CFAP44: variants seen among roughly 807,000 people sequenced by gnomAD.
CFAP44 encodes cilia and flagella associated protein 44.
A neutral mutation model predicts 216.2 loss-of-function variants in CFAP44; 134 were observed. That is an observed-to-expected ratio of 0.62 (90% CI 0.54 to 0.72). The LOEUF is 0.72. Ranked by LOEUF, CFAP44 falls within the 30% of genes least tolerant of loss-of-function variation. The probability of loss-of-function intolerance (pLI) is 0.00; values close to 1 mark genes in which losing one functional copy is unlikely to be tolerated. For missense variants in CFAP44, 2,035 were observed against 2,182.1 expected (o/e 0.93, Z 1.34); for synonymous variants, 700 against 727.6 (o/e 0.96, Z 0.61).
intron 24 of CFAP44, among the ~76,000 whole-genome samples, chr3:113,339,536 G>A (rs1950311345): frequency 6.6e-6 from 1 of 152,162 alleles, no homozygotes; most frequent in Non-Finnish European, 1.5e-5. Flanking sequence ...GGAAAACTGA[G>A]TACCTTGGGC....
rs531330142 is a variant in CFAP44 at position 113,291,512 on chromosome 3, T to G, written c.*45A>C. 152 of 1,515,556 alleles carry G rather than the reference T, an allele frequency of 1.0e-4. 1 individual carries two copies. In the South Asian group the frequency reaches 1.5e-3, roughly 15 times the overall value. The allele number at this position is 1,515,556 out of a possible 1,614,324, so 93.9% of individuals were successfully genotyped here. A position where few individuals can be genotyped will look rare whatever the true frequency, so the allele number is the denominator to read the frequency against. On this transcript the variant is annotated 3_prime_UTR_variant, in exon 35 of 35. Transcript: ENST00000393845. The stretch of plus-strand genomic sequence containing the variant: ...GGTGATGAGGAGACAGAACTTCCAG[T>G]GAGTTATGTCAGAAATCTTGTATGG...
intron 13 of CFAP44, chr3:113,397,465 T>C (rs1934020444): frequency 6.6e-6 from 1 of 152,208 alleles, no homozygotes; most frequent in African/African-American, 2.4e-5. Flanking sequence ...AAAGTGTTTT[T>C]AGTTGGGTTC....
At chr3:113,419,544 ATG>A (rs1934750339) in intron 5 of CFAP44, among the ~76,000 whole-genome samples, 2 of 152,242 alleles carry the variant, frequency 1.3e-5, no homozygotes, top group African/African-American at 4.8e-5. Flanking sequence ...AGAAACAAAC[ATG>A]ATAGTATCTT....
At chr3:113,362,170 C>G (rs1057106003) in intron 21 of CFAP44, among the ~76,000 whole-genome samples, 10 of 151,914 alleles carry the variant, frequency 6.6e-5, no homozygotes, top group Non-Finnish European at 1.2e-4. Context: ...GGCTTTGCTT[C>G]TCAAATTCAA....
At chr3:113,401,069 T>C (rs976575049) in intron 11 of CFAP44, among the ~76,000 whole-genome samples, 171 bp downstream of exon 11, 2 of 152,196 alleles carry the variant, frequency 1.3e-5, no homozygotes, top group African/African-American at 4.8e-5. Context: ...TAGATTCTTT[T>C]TTATGTAAAA....
intron 9 of CFAP44, 137 bp from the exon 10 acceptor site, chr3:113,401,876 T>C (rs1934152791): frequency 1.1e-5 from 10 of 938,626 alleles, no homozygotes; most frequent in Non-Finnish European, 1.5e-6. Flanking sequence ...ACAAGTGTGA[T>C]AAGAACACCA....
chr3:113,330,427 CT>C lies in CFAP44; in HGVS notation c.3856del (p.Ser1286ValfsTer32). ...CACTCCGGGGGACTTTTCATCTTTA[CT>C]TTTCATTTGCTGTTGCTTAAAATTT... ...LLNFKQQQMK[S>X]KDEKSPGVEQ... On this transcript the variant is annotated frameshift_variant, in exon 26 of 35. Coordinates refer to ENST00000393845, the MANE Select transcript of CFAP44 (RefSeq NM_001164496.2). LOFTEE classifies it high-confidence loss of function. 6.5e-7 allele frequency: 1 copy of C among 1,537,332 alleles called. No individual in the cohort carries two copies. The highest frequency in any genetic ancestry group is 8.7e-7 in the Non-Finnish European group (1 of 1,146,896).
intron 17 of CFAP44, among the ~76,000 whole-genome samples, chr3:113,377,395 A>G (rs1933375946): frequency 6.6e-6 from 1 of 152,186 alleles, no homozygotes; most frequent in Non-Finnish European, 1.5e-5. Context: ...TTAATGGTTG[A>G]GGGCATGAAC....
intron 14 of CFAP44, among the ~76,000 whole-genome samples, chr3:113,396,117 A>AT (rs1185838296): frequency 3.9e-5 from 6 of 152,214 alleles, no homozygotes; most frequent in Non-Finnish European, 7.3e-5. Flanking sequence ...AAATTATACC[A>AT]TGCATATGCT....
Position 113,291,639 on chromosome 3 carries a change from G to C in CFAP44, c.5483C>G (p.Ala1828Gly), listed in dbSNP as rs890301944. The C allele has an allele frequency of 6.5e-7, 1 of 1,537,286 alleles. No homozygotes were observed. Among genetic ancestry groups the C allele is most frequent in the Non-Finnish European group, 8.7e-7 (1 of 1,146,922 alleles). ...ERISALKEEIALLRRKGSLIL... is the reference protein window; with the variant it reads ...ERISALKEEIGLLRRKGSLIL... The stretch of plus-strand genomic sequence containing the variant: ...AAGACTGCCTTTCCTACGCAAAAGA[G>C]CAATCTCCTCCTTTAAGGCCGAAAT... Residue 1828 changes from alanine (A) to glycine (G), a missense_variant, in exon 35 of 35, where the codon GCT becomes GGT. Physicochemically the swap from Ala to Gly is moderately conservative, Grantham distance 60. This residue lies in a region of CFAP44 where 1,883 missense variants were observed against 2,023.7 expected (regional missense o/e 0.93). Transcript: ENST00000393845.
At chr3:113,301,188 T>C (rs924013320) in intron 32 of CFAP44, among the ~76,000 whole-genome samples, 3 of 152,180 alleles carry the variant, frequency 2.0e-5, no homozygotes, top group Non-Finnish European at 4.4e-5. Context: ...TATGCTATAT[T>C]ACGTCTACTC....
chr3:113,305,173 T>C, intron 30 of CFAP44, 21 bp from the exon 31 acceptor site: 2 of 1,527,380 alleles, frequency 1.3e-6, no homozygotes, highest in Non-Finnish European at 1.8e-6. Context: ...CCCCGTGTTG[T>C]GAAATGGTGA....
chr3:113,321,728 A>G (rs1374035550), intron 28 of CFAP44, among the ~76,000 whole-genome samples: 2 of 152,222 alleles, frequency 1.3e-5, no homozygotes, highest in Admixed American at 6.5e-5. Context: ...AATAATGTAC[A>G]GTCTGAAAAT....
At chr3:113,375,914 T>C (rs546071246) in intron 17 of CFAP44, among the ~76,000 whole-genome samples, 1 of 150,900 alleles carries the variant, frequency 6.6e-6, no homozygotes, top group Non-Finnish European at 1.5e-5. Flanking sequence ...AAGAAAACTG[T>C]GGAAAAAATT....
chr3:113,356,340 C>T (rs1950492024), intron 22 of CFAP44, among the ~76,000 whole-genome samples: 1 of 151,774 alleles, frequency 6.6e-6, no homozygotes, highest in African/African-American at 2.4e-5. Flanking sequence ...CCATGTAATT[C>T]CAATACAAAT....
intron 17 of CFAP44, among the ~76,000 whole-genome samples, chr3:113,374,791 C>A (rs1026450851): frequency 6.6e-6 from 1 of 152,102 alleles, no homozygotes; most frequent in Admixed American, 6.6e-5. Context: ...TGAGCCACTC[C>A]GTCCACCTAA....
chr3:113,308,250 T>C lies in CFAP44; in HGVS notation c.4535A>G (p.Glu1512Gly), dbSNP rs1302118304. The C allele has an allele frequency of 1.3e-6, 2 of 1,535,744 alleles. No homozygotes were observed. The highest frequency in any genetic ancestry group is 1.7e-6 in the Non-Finnish European group (2 of 1,146,508). Residue 1512 changes from glutamate to glycine, a missense_variant, in exon 29 of 35, where the codon GAG becomes GGG. Transcript: ENST00000393845. ...EGDADEDEES[E>G]ESSEEESSLE... ...GCTAGATTCTTCTTCACTTGATTCC[T>C]CACTCTCCTCATCTTCATCTATGGA...
intron 22 of CFAP44, among the ~76,000 whole-genome samples, chr3:113,349,931 T>A (rs1186692590): frequency 1.3e-5 from 2 of 152,202 alleles, no homozygotes; most frequent in Non-Finnish European, 2.9e-5. Flanking sequence ...GGAGACTTTG[T>A]TACAGATAGT....
Position 113,289,038 on chromosome 3 carries a change from G to A in CFAP44, c.*2519C>T, listed in dbSNP as rs1475613555. The A allele has an allele frequency of 6.6e-6, 1 of 152,154 alleles. No homozygotes were observed. Among genetic ancestry groups the A allele is most frequent in the Admixed American group, 6.5e-5 (1 of 15,284 alleles). The allele number at this position is 152,154 out of a possible 1,614,324, so 9.4% of individuals were successfully genotyped here. On this transcript the variant is annotated 3_prime_UTR_variant, in exon 35 of 35. Coordinates refer to ENST00000393845, the MANE Select transcript of CFAP44 (RefSeq NM_001164496.2). ...CCTCTGGGAGCACAGCAGAAGGCAGGGAAGTGTGCCAGGAGCAGGATAGCT... is the reference window on the plus strand; with the variant it reads ...CCTCTGGGAGCACAGCAGAAGGCAGAGAAGTGTGCCAGGAGCAGGATAGCT...
Sources: allele counts gnomAD v4.1 joint callset (sites outside exome capture counted in the v4.1 genomes callset), GRCh38; gene constraint gnomAD v4.1.1; regional missense constraint gnomAD v4.1.1; transcripts MANE v1.5; gene names NCBI Gene and HGNC (gene_info 2026-07-23, HGNC 2026-07-21).